SAMD12: variants seen among roughly 807,000 people sequenced by gnomAD.
SAMD12 encodes the protein sterile alpha motif domain-containing protein 12.
In SAMD12, 9 loss-of-function variants were observed where a neutral mutation model predicts 15.0. The ratio of observed to expected loss-of-function variants is 0.60; its 90% CI spans 0.36 to 1.05. The LOEUF (loss-of-function observed/expected upper bound fraction) is 1.05. Ranked by LOEUF, SAMD12 falls within the 50% of genes least tolerant of loss-of-function variation. The pLI is 0.01. For synonymous variants in SAMD12, 86 were observed against 90.1 expected (o/e 0.96, Z 0.25); for missense variants, 230 against 234.2 (o/e 0.98, Z 0.12).
At chr8:118,520,518 T>C (rs1237294205) in intron 2 of SAMD12, among the ~76,000 whole-genome samples, 1 of 152,270 alleles carries the variant, frequency 6.6e-6, no homozygotes, top group South Asian at 2.1e-4. Flanking sequence ...CAGTGGAATA[T>C]AGATGCTGAT....
At chr8:118,202,186 C>A (rs2514746) in intron 4 of SAMD12, among the ~76,000 whole-genome samples, 75,784 of 152,008 alleles carry the variant, frequency 0.5, 20,707 homozygotes, top group Non-Finnish European at 0.62. Flanking sequence ...TAAGTGATAG[C>A]TACTATTGTT....
At chr8:118,542,887 G>A (rs991083821) in intron 2 of SAMD12, among the ~76,000 whole-genome samples, 18 of 152,104 alleles carry the variant, frequency 1.2e-4, no homozygotes, top group African/African-American at 4.3e-4. Flanking sequence ...ATGCAAGGTT[G>A]TCCCTAGCCT....
chr8:118,169,776 TA>T, the SAMD12 span, among the ~76,000 whole-genome samples: 2 of 152,234 alleles, frequency 1.3e-5, no homozygotes, highest in Admixed American at 6.5e-5. Flanking sequence ...CTCCTGCTTC[TA>T]AAGTGCTACC....
intron 2 of SAMD12, among the ~76,000 whole-genome samples, chr8:118,449,672 G>T (rs1052868268): frequency 1.3e-5 from 2 of 151,320 alleles, no homozygotes; most frequent in South Asian, 2.1e-4. Context: ...AGTGGCAGGC[G>T]CCTGTAGTCC....
intron 3 of SAMD12, among the ~76,000 whole-genome samples, chr8:118,401,541 CTT>C (rs3884378): frequency 1.0e-4 from 14 of 140,168 alleles, no homozygotes; most frequent in Admixed American, 1.4e-4. Flanking sequence ...CCTTCTTCTT[CTT>C]TTTTTTTTTT....
intron 3 of SAMD12, among the ~76,000 whole-genome samples, chr8:118,427,176 G>A (rs141863734): frequency 2.6e-3 from 396 of 152,150 alleles, no homozygotes; most frequent in African/African-American, 9.0e-3. Context: ...TCTATATCAT[G>A]GATAAATATA....
intron 4 of SAMD12, among the ~76,000 whole-genome samples, chr8:118,351,780 C>T (rs1817977393): frequency 6.6e-6 from 1 of 152,126 alleles, no homozygotes; most frequent in African/African-American, 2.4e-5. Context: ...TGTGAATCAA[C>T]CTGCAGAGTG....
At chr8:118,424,939 ATT>A (rs10570610) in intron 3 of SAMD12, among the ~76,000 whole-genome samples, 5,079 of 138,544 alleles carry the variant, frequency 0.037, 258 homozygotes, top group African/African-American at 0.12. Flanking sequence ...TGGTATATTA[ATT>A]TTTTTTTTTT....
intron 2 of SAMD12, among the ~76,000 whole-genome samples, chr8:118,558,279 CA>C (rs1483969784): frequency 6.6e-6 from 1 of 152,042 alleles, no homozygotes; most frequent in East Asian, 1.9e-4. Flanking sequence ...TTTTGTTATT[CA>C]TATTTTCTTT....
At chr8:118,268,828 G>A (rs914213009) in intron 4 of SAMD12, among the ~76,000 whole-genome samples, 26 of 152,066 alleles carry the variant, frequency 1.7e-4, no homozygotes, top group African/African-American at 5.8e-4. Flanking sequence ...AAAAGAACAT[G>A]CTCCATAATT....
At chr8:118,141,938 C>A in the SAMD12 span, among the ~76,000 whole-genome samples, 1 of 152,208 alleles carries the variant, frequency 6.6e-6, no homozygotes, top group Non-Finnish European at 1.5e-5. Flanking sequence ...AAGATGGCCT[C>A]TCCCTGGGAC....
At chr8:118,179,371 A>C in the SAMD12 span, among the ~76,000 whole-genome samples, 1 of 147,344 alleles carries the variant, frequency 6.8e-6, no homozygotes, top group South Asian at 2.2e-4. Context: ...TGGGAGGCAG[A>C]GGTTGCGGTG....
At chr8:118,574,401 G>A (rs1029636357) in intron 2 of SAMD12, among the ~76,000 whole-genome samples, 1 of 152,196 alleles carries the variant, frequency 6.6e-6, no homozygotes, top group Non-Finnish European at 1.5e-5. Flanking sequence ...GAAAAGCACT[G>A]TTCATGTGTT....
At chr8:118,616,051 G>C (rs1388985410) in intron 1 of SAMD12, among the ~76,000 whole-genome samples, 3 of 152,140 alleles carry the variant, frequency 2.0e-5, no homozygotes, top group Non-Finnish European at 4.4e-5. Flanking sequence ...CTCTGGTGCA[G>C]GAAAGTCAGA....
At chr8:118,231,687 G>A (rs1812312721) in intron 4 of SAMD12, among the ~76,000 whole-genome samples, 1 of 152,136 alleles carries the variant, frequency 6.6e-6, no homozygotes, top group African/African-American at 2.4e-5. Flanking sequence ...GCTATTGTGT[G>A]TTAGGCACTG....
rs34819632 is a variant in SAMD12, at chr8:118,248,631, CT to C, written c.434-50900del. ...AAAAAAATGATTACTGAATAGATGA[CT>C]TTTTTTTTTATACATCAGAAGATGT... On this transcript the variant is annotated intron_variant, in intron 4 of 4. Transcript: ENST00000409003. Among the ~76,000 whole-genome samples the C allele has an allele frequency of 1.2e-3, 187 of 149,828 alleles. 1 individual carries two copies. Among genetic ancestry groups the C allele is most frequent in the Non-Finnish European group, 2.1e-3 (144 of 67,220 alleles).
At chr8:118,228,644 T>C (rs908491322) in intron 4 of SAMD12, among the ~76,000 whole-genome samples, 3 of 152,162 alleles carry the variant, frequency 2.0e-5, no homozygotes, top group African/African-American at 7.2e-5. Flanking sequence ...ACAGTAGATG[T>C]TGGCTTGGAT....
chr8:118,341,360 C>T (rs1817358769), intron 4 of SAMD12, among the ~76,000 whole-genome samples: 1 of 152,190 alleles, frequency 6.6e-6, no homozygotes, highest in Non-Finnish European at 1.5e-5. Context: ...GAGGAGCATA[C>T]CTAGACCCCA....
At chr8:118,342,241 G>A (rs1235165668) in intron 4 of SAMD12, among the ~76,000 whole-genome samples, 1 of 84,386 alleles carries the variant, frequency 1.2e-5, no homozygotes, top group Non-Finnish European at 2.3e-5. Flanking sequence ...GCAGTGAGTC[G>A]AGATCATGCC....
Sources: gnomAD v4.1 joint callset for allele counts (sites outside exome capture counted in the v4.1 genomes callset) on GRCh38, gnomAD v4.1.1 for gene constraint, MANE v1.5 for transcripts, NCBI Gene and HGNC (gene_info 2026-07-23, HGNC 2026-07-21) for gene names.